The following LOXHD1 variants were observed in gnomAD, a reference collection of about 807,000 sequenced individuals.
The protein encoded by LOXHD1 is lipoxygenase homology domain-containing protein 1.
Under a neutral mutation model 248.2 loss-of-function variants are expected in LOXHD1, and 205 were observed. That is an observed-to-expected ratio of 0.83 (90% confidence interval 0.74 to 0.93). LOXHD1 has a LOEUF of 0.93. Ranked by LOEUF, LOXHD1 falls within the 40% of genes least tolerant of loss-of-function variation. The pLI is 0.00. For synonymous variants in LOXHD1, 1,113 were observed against 1,162.8 expected (o/e 0.96, Z 0.87); for missense variants, 2,930 against 2,971.6 (o/e 0.99, Z 0.33).
At chr18:46,522,416 C>T in intron 31 of LOXHD1, 107 bp from the exon 32 acceptor site, 1 of 885,866 alleles carries the variant, frequency 1.1e-6, no homozygotes, top group East Asian at 2.7e-5. Flanking sequence ...GATCTCAGCT[C>T]CTTGCTCAGA....
intron 8 of LOXHD1, among the ~76,000 whole-genome samples, chr18:46,597,215 G>T (rs1172039928): frequency 6.6e-6 from 1 of 151,924 alleles, no homozygotes; most frequent in Non-Finnish European, 1.5e-5. Flanking sequence ...TTACATTTAG[G>T]GTTTCCCATA....
chr18:46,534,541 C>A, intron 26 of LOXHD1, 90 bp from the exon 27 acceptor site: 1 of 947,354 alleles, frequency 1.1e-6, no homozygotes. Context: ...GGGCATCCAC[C>A]CTGAGTCCCT....
rs752553552 is a variant in LOXHD1 at position 46,534,330 on chromosome 18, C to T, written c.4212+5G>A. The T allele has an allele frequency of 6.9e-5, 107 of 1,548,014 alleles. No individual in the cohort carries two copies. The highest frequency in any genetic ancestry group is 8.5e-5 in the Non-Finnish European group (97 of 1,143,816). Reference sequence around the variant, plus strand: ...AACAGCAGGACAGACCAGTCAACAACTCACGTCTTTATCCGGGAGGAGCCT... The same window carrying T: ...AACAGCAGGACAGACCAGTCAACAATTCACGTCTTTATCCGGGAGGAGCCT... On this transcript the variant is annotated splice_donor_5th_base_variant and intron_variant, in intron 27 of 40. Transcript: ENST00000642948.
At chr18:46,560,048 T>TGCCGGG in intron 19 of LOXHD1, 35 bp downstream of exon 19, 665 of 1,225,814 alleles carry the variant, frequency 5.4e-4, no homozygotes, top group Non-Finnish European at 6.8e-4. Context: ...GTCTGGCCAC[T>TGCCGGG]CCCTCCCCAC....
intron 34 of LOXHD1, among the ~76,000 whole-genome samples, chr18:46,510,617 C>T (rs1568116718): frequency 6.6e-6 from 1 of 152,158 alleles, no homozygotes; most frequent in Non-Finnish European, 1.5e-5. Flanking sequence ...AGATGTGGCT[C>T]TGCATGGCAA....
intron 13 of LOXHD1, 102 bp downstream of exon 13, chr18:46,579,528 A>G: frequency 6.8e-7 from 1 of 1,470,342 alleles, no homozygotes; most frequent in Admixed American, 2.0e-5. Context: ...CTGAGGCCCC[A>G]GGACCAGCAT....
intron 16 of LOXHD1, 100 bp downstream of exon 16, chr18:46,569,342 G>T: frequency 1.0e-6 from 1 of 987,728 alleles, no homozygotes; most frequent in Non-Finnish European, 1.5e-6. Context: ...GAGTGTGTGC[G>T]TGTGTGTCTG....
At chr18:46,647,235 G>A (rs1159598735) in intron 2 of LOXHD1, among the ~76,000 whole-genome samples, 6 of 152,230 alleles carry the variant, frequency 3.9e-5, no homozygotes, top group African/African-American at 1.4e-4. Context: ...GCTCATTCAT[G>A]CCCTAGACCC....
intron 8 of LOXHD1, among the ~76,000 whole-genome samples, chr18:46,598,348 CA>C (rs1018267815): frequency 1.1e-4 from 17 of 151,786 alleles, no homozygotes; most frequent in African/African-American, 3.6e-4. Context: ...CATAAACTTG[CA>C]AAAAAATCAA....
intron 21 of LOXHD1, among the ~76,000 whole-genome samples, chr18:46,550,411 A>G: frequency 6.6e-6 from 1 of 151,412 alleles, no homozygotes; most frequent in Admixed American, 6.6e-5. Flanking sequence ...GTCTCTACTA[A>G]AAATACAAAA....
intron 40 of LOXHD1, among the ~76,000 whole-genome samples, chr18:46,480,911 A>T (rs2032507426): frequency 6.6e-6 from 1 of 152,192 alleles, no homozygotes; most frequent in East Asian, 1.9e-4. Context: ...TAAACAATAA[A>T]GGTGTTTTCA....
intron 10 of LOXHD1, among the ~76,000 whole-genome samples, 186 bp downstream of exon 10, chr18:46,593,414 C>T (rs1385707894): frequency 6.6e-6 from 1 of 152,152 alleles, no homozygotes; most frequent in Non-Finnish European, 1.5e-5. Flanking sequence ...AGAAATTGTA[C>T]CCCATTCAAT....
chr18:46,642,821 C>A (rs1256547948), intron 2 of LOXHD1, among the ~76,000 whole-genome samples: 1 of 152,172 alleles, frequency 6.6e-6, no homozygotes, highest in Middle Eastern at 3.2e-3. Flanking sequence ...AGGGCCGGGG[C>A]CCCTGCCATT....
intron 27 of LOXHD1, chr18:46,533,820 GGA>G: frequency 4.9e-6 from 1 of 203,398 alleles, no homozygotes; most frequent in Non-Finnish European, 1.0e-5. Flanking sequence ...TAGCTACTTG[GGA>G]GGCTGAGGCG....
intron 34 of LOXHD1, 77 bp downstream of exon 34, chr18:46,518,052 C>G (rs2035352944): frequency 1.4e-5 from 21 of 1,533,930 alleles, no homozygotes; most frequent in African/African-American, 2.8e-5. Flanking sequence ...GAGAATCAGC[C>G]TGGCTGAAGG....
intron 4 of LOXHD1, among the ~76,000 whole-genome samples, chr18:46,626,925 A>C (rs1192910261): frequency 6.6e-6 from 1 of 152,236 alleles, no homozygotes; most frequent in Non-Finnish European, 1.5e-5. Flanking sequence ...GATTAGATTA[A>C]GATTAATAGT....
At chr18:46,515,661 A>G (rs1359389077) in intron 34 of LOXHD1, among the ~76,000 whole-genome samples, 2 of 152,220 alleles carry the variant, frequency 1.3e-5, no homozygotes, top group African/African-American at 4.8e-5. Flanking sequence ...TTAATCAGAG[A>G]AAATCCAGGA....
At position 46,486,121 on chromosome 18, in the gene LOXHD1, A is replaced by G. The variant is rs113070740; in HGVS notation, c.6050-970T>C. Among the ~76,000 whole-genome samples the G allele has an allele frequency of 5.5e-3, 835 of 152,228 alleles. 3 individuals are homozygous for G. The highest frequency in any genetic ancestry group is 0.019 in the African/African-American group (799 of 41,532). On this transcript the variant is annotated intron_variant, in intron 38 of 40. Transcript: ENST00000642948. ...AGCCAAGATACTGAGAGAGTGTGAC[A>G]TGTGATCCAGGCTCACTCCCCAGGG...
intron 29 of LOXHD1, among the ~76,000 whole-genome samples, chr18:46,526,449 T>C (rs979864211): frequency 1.3e-5 from 2 of 152,228 alleles, no homozygotes; most frequent in Non-Finnish European, 2.9e-5. Flanking sequence ...CTTTTATGTA[T>C]AACAGTAATA....
Sources: allele counts gnomAD v4.1 joint callset (sites outside exome capture counted in the v4.1 genomes callset), GRCh38; gene constraint gnomAD v4.1.1; transcripts MANE v1.5; gene names NCBI Gene and HGNC (gene_info 2026-07-23, HGNC 2026-07-21).